Variants in PARP14 observed in about 807,000 individuals in gnomAD.
PARP14 encodes the protein poly(ADP-ribose) polymerase family member 14, also known as protein mono-ADP-ribosyltransferase PARP14.
A neutral mutation model predicts 154.2 loss-of-function variants in PARP14; 59 were observed. The observed-to-expected ratio is 0.38, with a 90% CI of 0.31 to 0.48. PARP14 has a LOEUF of 0.48. PARP14 is among the 20% of genes least tolerant of loss of function. The probability of loss-of-function intolerance (pLI) is 0.98; values close to 1 mark genes in which losing one functional copy is unlikely to be tolerated. For missense variants in PARP14, 1,734 were observed against 2,131.6 expected (o/e 0.81, Z 3.67); for synonymous variants, 720 against 780.5 (o/e 0.92, Z 1.29).
chr3:122,693,073 A>G (rs1310320666), intron 4 of PARP14, among the ~76,000 whole-genome samples: 1 of 152,196 alleles, frequency 6.6e-6, no homozygotes, highest in Non-Finnish European at 1.5e-5. Context: ...CCCATGTTAC[A>G]GTTGGGGAGA....
rs1466279734 is a variant in PARP14 at position 122,701,147 on chromosome 3, A to G, written c.2593A>G (p.Thr865Ala). ...REGRLLPGNA[T>A]ISKAGKLPYH... ...GGGCAGACTCCTACCGGGCAATGCC[A>G]CCATCTCCAAGGCAGGAAAGCTGCC... The change falls in exon 6 of 17, where the codon ACC (threonine) becomes GCC (alanine). Residue 865 changes from threonine (T) to alanine (A), a missense_variant. Transcript: ENST00000474629. This position sits in a 1 kb window ranked among gnomAD's most constrained non-coding sequence, Gnocchi z 4.0. 6.2e-7 allele frequency: 1 copy of G among 1,613,782 alleles called. No homozygotes were observed. The highest frequency in any genetic ancestry group is 8.5e-7 in the Non-Finnish European group (1 of 1,179,864).
intron 9 of PARP14, 89 bp downstream of exon 9, chr3:122,708,357 TGAAAA>T: frequency 1.4e-6 from 1 of 695,392 alleles, no homozygotes; most frequent in Non-Finnish European, 2.5e-6. Context: ...ATAATTTTTA[TGAAAA>T]AAAAATCAAT....
At chr3:122,722,317 A>G (rs1444171032) in intron 15 of PARP14, 2 of 152,232 alleles carry the variant, frequency 1.3e-5, no homozygotes, top group South Asian at 2.1e-4. Context: ...ATGCAGCTCT[A>G]TGATGGTCTA....
chr3:122,695,806 G>A (rs1016159742), intron 5 of PARP14, 144 bp downstream of exon 5: 9 of 585,596 alleles, frequency 1.5e-5, no homozygotes, highest in East Asian at 8.5e-5. Flanking sequence ...GTTCATCTGC[G>A]ATATGATGCT....
At position 122,685,175 on chromosome 3, in the gene PARP14, G is replaced by C. The variant is rs759958795; in HGVS notation, c.188-10G>C. 4.3e-6 allele frequency: 7 copies of C among 1,613,206 alleles called. No homozygotes were observed. In the South Asian group the frequency reaches 6.6e-5, roughly 15 times the overall value. The stretch of plus-strand genomic sequence containing the variant: ...TCATTTGTCTTTTTTCCCCCCTTTG[G>C]ACATTTCAGTTCGGCAGAAGGTTCT... On this transcript the variant is annotated splice_polypyrimidine_tract_variant and intron_variant, in intron 1 of 16. Coordinates refer to ENST00000474629, the MANE Select transcript of PARP14 (RefSeq NM_017554.3).
At chr3:122,727,451 G>T (rs1933315323) in intron 15 of PARP14, among the ~76,000 whole-genome samples, 1 of 152,204 alleles carries the variant, frequency 6.6e-6, no homozygotes, top group Non-Finnish European at 1.5e-5. Context: ...GAGGTGGTGA[G>T]AGGCAAAGTG....
At chr3:122,720,224 A>G in intron 14 of PARP14, 31 bp from the exon 15 acceptor site, 1 of 1,605,286 alleles carries the variant, frequency 6.2e-7, no homozygotes, top group Non-Finnish European at 8.5e-7. Flanking sequence ...CCGGGGATGT[A>G]TGAGGGCATC....
chr3:122,693,078 G>A (rs1387871126), intron 4 of PARP14, among the ~76,000 whole-genome samples: 2 of 152,136 alleles, frequency 1.3e-5, no homozygotes, highest in African/African-American at 4.8e-5. Context: ...GTTACAGTTG[G>A]GGAGACAAAA....
chr3:122,717,575 C>T (rs1933030284), intron 12 of PARP14, among the ~76,000 whole-genome samples: 1 of 152,116 alleles, frequency 6.6e-6, no homozygotes, highest in South Asian at 2.1e-4. Flanking sequence ...TTGCTTAGTT[C>T]AAATTAGGTT....
At chr3:122,707,142 G>C (rs191752024) in intron 8 of PARP14, among the ~76,000 whole-genome samples, 1 of 151,964 alleles carries the variant, frequency 6.6e-6, no homozygotes, top group South Asian at 2.1e-4. Flanking sequence ...GGATTGGCTC[G>C]GAGCGGTGGC....
intron 3 of PARP14, among the ~76,000 whole-genome samples, chr3:122,687,925 T>C (rs1938422914): frequency 6.6e-6 from 1 of 152,242 alleles, no homozygotes; most frequent in South Asian, 2.1e-4. Flanking sequence ...TGCAACTTTC[T>C]CTTTTGGAAA....
intron 1 of PARP14, among the ~76,000 whole-genome samples, chr3:122,682,872 T>C (rs1183181852): frequency 6.6e-6 from 1 of 151,932 alleles, no homozygotes; most frequent in East Asian, 1.9e-4. Context: ...AGCAACATGG[T>C]GAAACCCTGT....
intron 12 of PARP14, among the ~76,000 whole-genome samples, chr3:122,715,353 A>G (rs1932963969): frequency 6.6e-6 from 1 of 152,088 alleles, no homozygotes. Flanking sequence ...TAGGCTTTCC[A>G]AAAGGTTATC....
intron 8 of PARP14, among the ~76,000 whole-genome samples, chr3:122,705,864 C>T (rs1009476338): frequency 2.0e-5 from 3 of 152,242 alleles, no homozygotes; most frequent in African/African-American, 7.2e-5. Context: ...GGTCCATTTA[C>T]TTGTCCCGTA....
rs1576576183 is a variant in PARP14, at chr3:122,681,187, A to G, written c.187+117A>G. Reference sequence around the variant, plus strand: ...CCGACTTCGGCGGCTGCTGTAGCGGAGGTGGCCGGGGCGGGGGCGGGGGCG... The same window carrying G: ...CCGACTTCGGCGGCTGCTGTAGCGGGGGTGGCCGGGGCGGGGGCGGGGGCG... On this transcript the variant is annotated intron_variant, in intron 1 of 16. Transcript: ENST00000474629. The surrounding 1 kb of genome is among the most constrained non-coding windows in gnomAD (Gnocchi z 5.5). 2.8e-4 allele frequency: 20 copies of G among 71,776 alleles called. No individual in the cohort carries two copies. The highest frequency in any genetic ancestry group is 1.7e-3 in the South Asian group (6 of 3,612). The allele number at this position is 71,776 out of a possible 1,614,324, so 4.4% of individuals were successfully genotyped here.
intron 8 of PARP14, among the ~76,000 whole-genome samples, chr3:122,707,380 CAAATAAATAAAT>C (rs60420136): frequency 1.5e-4 from 21 of 139,682 alleles, no homozygotes; most frequent in East Asian, 2.1e-4. Flanking sequence ...GACTCCATCT[CAAATAAATAAAT>C]AAATAAATAA....
chr3:122,681,109 C>A lies in PARP14; in HGVS notation c.187+39C>A. On this transcript the variant is annotated intron_variant, in intron 1 of 16. Transcript: ENST00000474629. The surrounding 1 kb of genome is among the most constrained non-coding windows in gnomAD (Gnocchi z 5.5). Reference sequence around the variant, plus strand: ...GGGGTGGGGTGAGGAGGGGGCACCTCTGCCCTCCCTCCAGGGAAATGGCGG... The same window carrying A: ...GGGGTGGGGTGAGGAGGGGGCACCTATGCCCTCCCTCCAGGGAAATGGCGG... The A allele has an allele frequency of 6.7e-7, 1 of 1,489,956 alleles. No homozygotes were observed. Among genetic ancestry groups the A allele is most frequent in the Non-Finnish European group, 9.3e-7 (1 of 1,075,508 alleles). 92.3% of individuals were successfully genotyped at this position (1,489,956 alleles called of 1,614,324 possible).
chr3:122,700,565 A>G lies in PARP14; in HGVS notation c.2011A>G (p.Ile671Val), dbSNP rs768445471. Residue 671 changes from isoleucine (I) to valine (V), a missense_variant, in exon 6 of 17, where the codon ATA becomes GTA. Around this residue, in one of 2 missense-constraint regions of PARP14, gnomAD observed 1,646 missense variants for 1,976.0 expected, o/e 0.83. Transcript: ENST00000474629. Reference sequence around the variant, plus strand: ...TAACTTCGTTGAACAAAACATGAAAATAGAGAGACTGGTTGAAGTAAAGCC... The same window carrying G: ...TAACTTCGTTGAACAAAACATGAAAGTAGAGAGACTGGTTGAAGTAAAGCC... ...LFNFVEQNMK[I>V]ERLVEVKPSL... is the part of the protein sequence containing the mutation. 2 of 1,594,674 alleles carry G rather than the reference A, an allele frequency of 1.3e-6. No individual in the cohort carries two copies. The highest frequency in any genetic ancestry group is 2.3e-5 in the South Asian group (2 of 88,390).
intron 15 of PARP14, among the ~76,000 whole-genome samples, chr3:122,724,803 C>T (rs62206460): frequency 1.7e-4 from 26 of 152,128 alleles, no homozygotes; most frequent in South Asian, 1.5e-3. Context: ...TGCGGCCTTC[C>T]GCAGTGTTTG....
Sources: allele counts gnomAD v4.1 joint callset (sites outside exome capture counted in the v4.1 genomes callset), GRCh38; gene constraint gnomAD v4.1.1; regional missense constraint gnomAD v4.1.1; non-coding constraint Gnocchi (gnomAD v3.1); transcripts MANE v1.5; gene names NCBI Gene and HGNC (gene_info 2026-07-23, HGNC 2026-07-21).